Variants in RAB2A observed in about 807,000 individuals in gnomAD.
RAB2A encodes the protein ras-related protein Rab-2A.
A neutral mutation model predicts 32.5 loss-of-function variants in RAB2A; 7 were observed. The ratio of observed to expected loss-of-function variants is 0.22; its 90% CI spans 0.12 to 0.40. The LOEUF is 0.40. RAB2A is among the 10% of genes least tolerant of loss of function. RAB2A has a pLI of 1.00. For missense variants in RAB2A, 108 were observed against 260.7 expected, an observed-to-expected ratio of 0.41 and a Z score of 4.03; for synonymous variants, 79 against 85.2, an observed-to-expected ratio of 0.93 and a Z score of 0.40.
intron 3 of RAB2A, among the ~76,000 whole-genome samples, chr8:60,574,031 G>C (rs1181391036): frequency 6.6e-6 from 1 of 152,194 alleles, no homozygotes; most frequent in East Asian, 1.9e-4. Context: ...ACACATCTTT[G>C]CATTGTGTAG....
At chr8:60,526,779 G>A (rs1010459496) in intron 1 of RAB2A, among the ~76,000 whole-genome samples, 10 of 151,968 alleles carry the variant, frequency 6.6e-5, no homozygotes, top group African/African-American at 2.4e-4. Context: ...GACCAGCCTG[G>A]GCAACACGGT....
chr8:60,563,030 G>A (rs1808048238), intron 2 of RAB2A, among the ~76,000 whole-genome samples: 1 of 151,684 alleles, frequency 6.6e-6, no homozygotes, highest in Admixed American at 6.5e-5. Flanking sequence ...AAAAATAGCA[G>A]ATTATTATCA....
intron 3 of RAB2A, among the ~76,000 whole-genome samples, chr8:60,573,629 C>G (rs1421770503): frequency 6.6e-6 from 1 of 152,200 alleles, no homozygotes; most frequent in Non-Finnish European, 1.5e-5. Flanking sequence ...CCTAAAGCAT[C>G]TCAAAACATT....
intron 1 of RAB2A, among the ~76,000 whole-genome samples, chr8:60,537,935 C>T (rs567993327): frequency 2.0e-5 from 3 of 152,180 alleles, no homozygotes; most frequent in African/African-American, 4.8e-5. Context: ...CCACCTCAGC[C>T]TCCCAGTGCT....
intron 1 of RAB2A, among the ~76,000 whole-genome samples, chr8:60,526,135 G>A (rs1807384990): frequency 6.7e-6 from 1 of 149,218 alleles, no homozygotes; most frequent in African/African-American, 2.5e-5. Context: ...CGGTTCTATA[G>A]TTCAGAAGTC....
chr8:60,532,977 G>T (rs1421815704), intron 1 of RAB2A, among the ~76,000 whole-genome samples: 1 of 152,226 alleles, frequency 6.6e-6, no homozygotes, highest in South Asian at 2.1e-4. Context: ...ATGTAATTTG[G>T]ATTTTAACTG....
chr8:60,618,481 C>A, intron 6 of RAB2A, 99 bp from the exon 7 acceptor site: 1 of 520,056 alleles, frequency 1.9e-6, no homozygotes, highest in Non-Finnish European at 2.9e-6. Context: ...CGTCGATTGA[C>A]TTTCATATGT....
At chr8:60,531,051 G>T (rs1379520938) in intron 1 of RAB2A, among the ~76,000 whole-genome samples, 1 of 152,088 alleles carries the variant, frequency 6.6e-6, no homozygotes. Context: ...CAAGACTCAG[G>T]GTTTTGTTTT....
intron 1 of RAB2A, among the ~76,000 whole-genome samples, chr8:60,549,924 G>T (rs1199813705): frequency 6.7e-6 from 1 of 149,824 alleles, no homozygotes; most frequent in Non-Finnish European, 1.5e-5. Flanking sequence ...TTACTCAAAA[G>T]CCATTTTTGT....
chr8:60,534,290 G>A (rs76947175), intron 1 of RAB2A, among the ~76,000 whole-genome samples: 15 of 152,122 alleles, frequency 9.9e-5, no homozygotes, highest in East Asian at 3.9e-4. Context: ...TGCTAACCCC[G>A]TTTTCCAAAT....
At chr8:60,546,375 G>T (rs1807727111) in intron 1 of RAB2A, among the ~76,000 whole-genome samples, 2 of 152,208 alleles carry the variant, frequency 1.3e-5, no homozygotes, top group Non-Finnish European at 2.9e-5. Flanking sequence ...TGTGTTCGAG[G>T]ATGGGAGACT....
At chr8:60,569,841 C>T (rs573144044) in intron 2 of RAB2A, 4 of 382,782 alleles carry the variant, frequency 1.0e-5, no homozygotes, top group South Asian at 3.9e-5. Flanking sequence ...AATAAAGAGA[C>T]GAACATACTA....
intron 5 of RAB2A, among the ~76,000 whole-genome samples, chr8:60,590,210 C>G (rs1221623991): frequency 6.6e-6 from 1 of 152,000 alleles, no homozygotes; most frequent in Non-Finnish European, 1.5e-5. Flanking sequence ...ATCCACCCGC[C>G]TTGCCTCCCA....
intron 2 of RAB2A, among the ~76,000 whole-genome samples, chr8:60,563,582 G>T (rs1042315084): frequency 6.6e-6 from 1 of 151,988 alleles, no homozygotes; most frequent in African/African-American, 2.4e-5. Context: ...ACTTCTCCCC[G>T]CCGTGTGATC....
chr8:60,589,100 A>C (rs1234466986), intron 5 of RAB2A, among the ~76,000 whole-genome samples: 1 of 152,216 alleles, frequency 6.6e-6, no homozygotes, highest in Non-Finnish European at 1.5e-5. Context: ...CTGTCATTCA[A>C]GGTATGAAAT....
intron 6 of RAB2A, among the ~76,000 whole-genome samples, chr8:60,599,707 A>G (rs1804098087): frequency 6.6e-6 from 1 of 152,218 alleles, no homozygotes; most frequent in Non-Finnish European, 1.5e-5. Flanking sequence ...ATGGAACTCT[A>G]GCAGTTAGAA....
chr8:60,517,087 G>C lies in RAB2A; in HGVS notation c.-121G>C. On this transcript the variant is annotated 5_prime_UTR_variant, in exon 1 of 8. Transcript: ENST00000262646. ...CCCTCACTCCCGGCGGCTGACAGCA[G>C]CAGCGGCGGCGGCGGGCGGCGCCTG... 9.3e-7 allele frequency: 1 copy of C among 1,070,086 alleles called. No individual in the cohort carries two copies. Among genetic ancestry groups the C allele is most frequent in the Non-Finnish European group, 1.3e-6 (1 of 783,804 alleles). The allele number at this position is 1,070,086 out of a possible 1,614,324, so 66.3% of individuals were successfully genotyped here. A position where few individuals can be genotyped will look rare whatever the true frequency, so the allele number is the denominator to read the frequency against.
At chr8:60,561,413 G>A (rs576489022) in intron 2 of RAB2A, among the ~76,000 whole-genome samples, 10 of 152,218 alleles carry the variant, frequency 6.6e-5, no homozygotes, top group South Asian at 4.1e-4. Flanking sequence ...GTGTCTCAAC[G>A]TGAGGGCAGG....
intron 1 of RAB2A, among the ~76,000 whole-genome samples, chr8:60,547,302 A>C (rs1355307726): frequency 6.6e-6 from 1 of 152,216 alleles, no homozygotes; most frequent in African/African-American, 2.4e-5. Flanking sequence ...ACCTCTTTCT[A>C]CACAGACATG....
Sources: allele counts gnomAD v4.1 joint callset (sites outside exome capture counted in the v4.1 genomes callset), GRCh38; gene constraint gnomAD v4.1.1; transcripts MANE v1.5; gene names NCBI Gene and HGNC (gene_info 2026-07-23, HGNC 2026-07-21).